The following PTPRE variants were observed in gnomAD, a reference collection of about 807,000 sequenced individuals.
PTPRE encodes the protein protein tyrosine phosphatase receptor type E.
A neutral mutation model predicts 102.0 loss-of-function variants in PTPRE; 51 were observed. That is an observed-to-expected ratio of 0.50 (90% CI 0.40 to 0.63). The LOEUF (loss-of-function observed/expected upper bound fraction) is 0.63. Ranked by LOEUF, PTPRE falls within the 30% of genes least tolerant of loss-of-function variation. The probability of loss-of-function intolerance (pLI) is 0.00; values close to 1 mark genes in which losing one functional copy is unlikely to be tolerated. For synonymous variants in PTPRE, 345 were observed against 348.2 expected (o/e 0.99, Z 0.10); for missense variants, 752 against 915.1 (o/e 0.82, Z 2.30).
At chr10:127,921,402 A>C (rs1372997534) in intron 1 of PTPRE, among the ~76,000 whole-genome samples, 2 of 152,178 alleles carry the variant, frequency 1.3e-5, no homozygotes, top group South Asian at 2.1e-4. Flanking sequence ...AGCAGGGGCC[A>C]CACGGCTGCT....
At position 128,084,116 on chromosome 10, in the gene PTPRE, T is replaced by A. The variant is rs922772122; in HGVS notation, c.*1210T>A. 6.8e-6 allele frequency: 1 copy of A among 147,740 alleles called. No homozygotes were observed. Among genetic ancestry groups the A allele is most frequent in the Non-Finnish European group, 1.5e-5 (1 of 67,588 alleles). 9.2% of individuals were successfully genotyped at this position (147,740 alleles called of 1,614,324 possible). On this transcript the variant is annotated 3_prime_UTR_variant, in exon 21 of 21. Coordinates refer to ENST00000254667, the MANE Select transcript of PTPRE (RefSeq NM_006504.6). ...ACACTGGATAACAGTAATGATCCCA[T>A]TACCAGATAAGATTGACTGACGGGG...
At chr10:127,908,448 G>A (rs778183955) in intron 1 of PTPRE, among the ~76,000 whole-genome samples, 1 of 151,996 alleles carries the variant, frequency 6.6e-6, no homozygotes, top group Non-Finnish European at 1.5e-5. Flanking sequence ...GGGTGGGGAG[G>A]GGGGGTGTGG....
At chr10:127,971,503 T>A (rs188378739) in intron 1 of PTPRE, among the ~76,000 whole-genome samples, 9 of 152,316 alleles carry the variant, frequency 5.9e-5, no homozygotes, top group African/African-American at 1.9e-4. Flanking sequence ...GGTGCCGCCC[T>A]GAGGTGCGAG....
Position 128,066,086 on chromosome 10 carries a change from T to G in PTPRE, c.735T>G (p.His245Gln), listed in dbSNP as rs1409905161. The G allele has an allele frequency of 1.2e-6, 2 of 1,614,162 alleles. No individual in the cohort carries two copies. Residue 245 changes from histidine to glutamine, a missense_variant, in exon 11 of 21, where the codon CAT becomes CAG. Around this residue, in one of 2 missense-constraint regions of PTPRE, gnomAD observed 636 missense variants for 824.4 expected, o/e 0.77. Transcript: ENST00000254667. ...NLKERKEEKC[H>Q]QYWPDQGCWT... Reference sequence around the variant, plus strand: ...ATTGTTCCGTGCAGGAAAAGTGCCATCAGTACTGGCCCGACCAAGGCTGCT... The same window carrying G: ...ATTGTTCCGTGCAGGAAAAGTGCCAGCAGTACTGGCCCGACCAAGGCTGCT...
At chr10:128,082,197 T>C (rs10764745) in intron 20 of PTPRE, among the ~76,000 whole-genome samples, 996 of 61,656 alleles carry the variant, frequency 0.016, 112 homozygotes, top group African/African-American at 0.056. Flanking sequence ...TTCTCTTTCT[T>C]TTTTTTTTTT....
At chr10:127,980,656 A>G (rs1228599127) in intron 1 of PTPRE, among the ~76,000 whole-genome samples, 3 of 152,212 alleles carry the variant, frequency 2.0e-5, no homozygotes, top group Non-Finnish European at 4.4e-5. Context: ...TAGACTTAAA[A>G]TTCCTTAGTT....
intron 1 of PTPRE, among the ~76,000 whole-genome samples, chr10:127,955,400 G>A (rs984216564): frequency 1.3e-5 from 2 of 152,208 alleles, no homozygotes; most frequent in Non-Finnish European, 2.9e-5. Context: ...GGTAGTAGAA[G>A]ACGGCAGTTT....
At chr10:127,996,751 A>G (rs1234941591) in intron 2 of PTPRE, among the ~76,000 whole-genome samples, 1 of 152,248 alleles carries the variant, frequency 6.6e-6, no homozygotes, top group African/African-American at 2.4e-5. Flanking sequence ...AGTTCACAGA[A>G]GCAGGGCCAT....
At chr10:128,045,166 A>G (rs1437817880) in intron 3 of PTPRE, among the ~76,000 whole-genome samples, 2 of 152,280 alleles carry the variant, frequency 1.3e-5, no homozygotes, top group African/African-American at 4.8e-5. Flanking sequence ...CACCAGGAAC[A>G]GAGCTGGGGA....
At chr10:127,977,962 C>T (rs1329338712) in intron 1 of PTPRE, among the ~76,000 whole-genome samples, 1 of 152,202 alleles carries the variant, frequency 6.6e-6, no homozygotes, top group Non-Finnish European at 1.5e-5. Context: ...AAAGCTCCAA[C>T]TCTGTGGCCA....
At position 127,963,633 on chromosome 10, in the gene PTPRE, G is replaced by A. The variant is rs143512744; in HGVS notation, c.-30-18641G>A. On this transcript the variant is annotated intron_variant, in intron 1 of 20. Transcript: ENST00000254667. Reference sequence around the variant, plus strand: ...AATCCTGGAGTTGTGGGGAAGCACCGTAGGCGAGCCTGTTTCCTCCGATCT... The same window carrying A: ...AATCCTGGAGTTGTGGGGAAGCACCATAGGCGAGCCTGTTTCCTCCGATCT... Among the ~76,000 whole-genome samples the A allele has an allele frequency of 2.2e-4, 33 of 152,300 alleles. 1 individual carries two copies. The East Asian group carries it at 3.9e-3, about 18-fold the overall frequency.
At chr10:128,034,040 G>A (rs1846996778) in intron 2 of PTPRE, among the ~76,000 whole-genome samples, 1 of 152,200 alleles carries the variant, frequency 6.6e-6, no homozygotes. Context: ...TGTACACAGA[G>A]TAACTAAACT....
chr10:127,923,213 A>G (rs1846735211), intron 1 of PTPRE, among the ~76,000 whole-genome samples: 1 of 152,210 alleles, frequency 6.6e-6, no homozygotes. Context: ...CCAATTTCAA[A>G]GAGATAATCC....
intron 3 of PTPRE, among the ~76,000 whole-genome samples, chr10:128,046,227 T>A (rs34802591): frequency 0.01 from 1,589 of 152,226 alleles, 17 homozygotes; most frequent in Admixed American, 0.018. Flanking sequence ...GCGGAAGGCA[T>A]GAGGGTCCCT....
intron 2 of PTPRE, among the ~76,000 whole-genome samples, chr10:127,996,800 C>T (rs190130455): frequency 1.7e-3 from 255 of 152,308 alleles, no homozygotes; most frequent in Non-Finnish European, 3.1e-3. Context: ...AATGTTGCAA[C>T]TCTCATTTCT....
chr10:127,934,788 G>T (rs1409731244), intron 1 of PTPRE: 1 of 152,280 alleles, frequency 6.6e-6, no homozygotes, highest in Non-Finnish European at 1.5e-5. Context: ...GCATATGTGC[G>T]TGGGAACTTG....
chr10:128,016,315 A>G (rs1845420627), intron 2 of PTPRE, among the ~76,000 whole-genome samples: 2 of 152,158 alleles, frequency 1.3e-5, no homozygotes, highest in Admixed American at 1.3e-4. Flanking sequence ...AGCGGGACCC[A>G]ATTTGCAGCT....
chr10:127,923,172 G>T (rs1220101217), intron 1 of PTPRE, among the ~76,000 whole-genome samples: 1 of 152,216 alleles, frequency 6.6e-6, no homozygotes, highest in African/African-American at 2.4e-5. Flanking sequence ...GCAAGTCCAA[G>T]AAATGTCCAG....
chr10:127,931,046 C>T (rs1340804400), intron 1 of PTPRE, among the ~76,000 whole-genome samples: 3 of 152,132 alleles, frequency 2.0e-5, no homozygotes, highest in Non-Finnish European at 4.4e-5. Flanking sequence ...CCGCCTCGGC[C>T]TTCCAAAGTG....
Sources: allele counts gnomAD v4.1 joint callset (sites outside exome capture counted in the v4.1 genomes callset), GRCh38; gene constraint gnomAD v4.1.1; regional missense constraint gnomAD v4.1.1; transcripts MANE v1.5; gene names NCBI Gene and HGNC (gene_info 2026-07-23, HGNC 2026-07-21).